LINGO2: variants seen among roughly 807,000 people sequenced by gnomAD.
LINGO2 encodes the protein leucine rich repeat and Ig domain containing 2.
A neutral mutation model predicts 30.6 loss-of-function variants in LINGO2; 14 were observed. The ratio of observed to expected loss-of-function variants is 0.46; its 90% CI spans 0.30 to 0.72. The LOEUF is 0.72. Ranked by LOEUF, LINGO2 falls within the 30% of genes least tolerant of loss-of-function variation. LINGO2 has a pLI of 0.07. For missense variants in LINGO2, 729 were observed against 751.7 expected (o/e 0.97, Z 0.35); for synonymous variants, 317 against 288.5 (o/e 1.10, Z -1.00).
At chr9:28,321,893 A>C (rs763553134) in intron 3 of LINGO2, among the ~76,000 whole-genome samples, 16 of 152,028 alleles carry the variant, frequency 1.1e-4, no homozygotes, top group Non-Finnish European at 1.8e-4. Context: ...GCTAGATTCC[A>C]GTCACTGGAA....
intron 3 of LINGO2, among the ~76,000 whole-genome samples, chr9:28,355,331 CTG>C (rs774645228): frequency 5.5e-4 from 62 of 112,316 alleles, no homozygotes; most frequent in Admixed American, 2.0e-3. Flanking sequence ...CTCTCTGTCT[CTG>C]TCTCTCTCTC....
chr9:29,096,170 T>C, the LINGO2 span, among the ~76,000 whole-genome samples: 25 of 139,246 alleles, frequency 1.8e-4, 6 homozygotes, highest in Admixed American at 4.4e-4. Context: ...AGGAATGATT[T>C]GGAAGACAGG....
chr9:28,069,282 T>C lies in LINGO2; in HGVS notation c.-86-56877A>G, dbSNP rs1825403490. 3.9e-5 allele frequency among the ~76,000 whole-genome samples: 6 copies of C among 152,266 alleles called. No individual in the cohort carries two copies. In the South Asian group the frequency reaches 1.2e-3, roughly 32 times the overall value. On this transcript the variant is annotated intron_variant, in intron 4 of 5. Transcript: ENST00000379992. ...GTTTTGTTTTATTTATCTCTTTTAA[T>C]AAGGGCCTAGAATAGATACTGGCAT...
the LINGO2 span, among the ~76,000 whole-genome samples, chr9:28,909,583 A>C: frequency 1.3e-5 from 2 of 152,008 alleles, no homozygotes; most frequent in African/African-American, 4.8e-5. Context: ...ATTAGGGATA[A>C]CTGTAAACGT....
At chr9:28,699,323 G>T in the LINGO2 span, among the ~76,000 whole-genome samples, 1 of 151,996 alleles carries the variant, frequency 6.6e-6, no homozygotes, top group Non-Finnish European at 1.5e-5. Flanking sequence ...ACTGGCTGGA[G>T]CTGCGGCAGA....
intron 1 of LINGO2, chr9:28,598,961 T>C (rs959822238): frequency 1.7e-4 from 26 of 152,298 alleles, no homozygotes; most frequent in Non-Finnish European, 3.5e-4. Flanking sequence ...ATGGATAGCA[T>C]GTCAAAAAGT....
At chr9:28,309,522 T>A (rs4554565) in intron 3 of LINGO2, among the ~76,000 whole-genome samples, 15,512 of 151,714 alleles carry the variant, frequency 0.1, 1,033 homozygotes, top group Middle Eastern at 0.26. Flanking sequence ...GCATGGCACA[T>A]GTATACATAT....
the LINGO2 span, among the ~76,000 whole-genome samples, chr9:29,058,879 T>A: frequency 6.6e-6 from 1 of 151,816 alleles, no homozygotes; most frequent in Non-Finnish European, 1.5e-5. Flanking sequence ...CCTGAAAAAA[T>A]TGACAAATTA....
At chr9:28,897,337 A>T in the LINGO2 span, among the ~76,000 whole-genome samples, 9 of 152,178 alleles carry the variant, frequency 5.9e-5, no homozygotes, top group Non-Finnish European at 1.2e-4. Context: ...AAGTTTATAC[A>T]TCACATCATG....
intron 2 of LINGO2, among the ~76,000 whole-genome samples, chr9:28,424,373 G>C (rs1823320856): frequency 6.6e-6 from 1 of 152,112 alleles, no homozygotes; most frequent in African/African-American, 2.4e-5. Context: ...CTGGAGAATA[G>C]ACAAAATGTG....
rs145816256 is a variant in LINGO2, at chr9:28,189,701, G to GAGGA, written c.-87+105503_-87+105506dup. On this transcript the variant is annotated intron_variant, in intron 4 of 5. Transcript: ENST00000379992. ...GAAGGAAGGGAGGAAGGAAGGGAGG[G>GAGGA]AGGAAGGAAGGAAGGAAGGAAGGTT... Among the ~76,000 whole-genome samples, 14 of 16,620 alleles carry GAGGA rather than the reference G, an allele frequency of 8.4e-4. 3 individuals are homozygous for GAGGA. The highest frequency in any genetic ancestry group is 1.9e-3 in the African/African-American group (11 of 5,706). The allele number at this position is 16,620 out of a possible 152,430, so 10.9% of individuals were successfully genotyped here.
At chr9:28,086,060 C>A (rs1405668150) in intron 4 of LINGO2, among the ~76,000 whole-genome samples, 1 of 152,008 alleles carries the variant, frequency 6.6e-6, no homozygotes, top group Non-Finnish European at 1.5e-5. Context: ...GTACATAGGA[C>A]AGCCCTGGAA....
At chr9:29,155,550 GT>G in the LINGO2 span, among the ~76,000 whole-genome samples, 1 of 138,800 alleles carries the variant, frequency 7.2e-6, no homozygotes, top group African/African-American at 2.7e-5. Flanking sequence ...AACTGTGAGG[GT>G]TTTCCTTTTT....
At chr9:28,722,144 A>G in the LINGO2 span, among the ~76,000 whole-genome samples, 3 of 152,134 alleles carry the variant, frequency 2.0e-5, no homozygotes, top group African/African-American at 7.2e-5. Context: ...TATTTCAAGA[A>G]ATGACATAAA....
At chr9:28,031,967 T>C (rs1823697784) in intron 4 of LINGO2, among the ~76,000 whole-genome samples, 1 of 151,482 alleles carries the variant, frequency 6.6e-6, no homozygotes, top group African/African-American at 2.4e-5. Flanking sequence ...CTATTAAAAG[T>C]TGTTTGGAGA....
At chr9:28,035,671 C>T (rs1238823633) in intron 4 of LINGO2, among the ~76,000 whole-genome samples, 1 of 152,096 alleles carries the variant, frequency 6.6e-6, no homozygotes, top group African/African-American at 2.4e-5. Flanking sequence ...TTTTAAAATT[C>T]TATGAATGTC....
intron 2 of LINGO2, among the ~76,000 whole-genome samples, chr9:28,463,888 T>C (rs1043570059): frequency 3.9e-5 from 6 of 152,144 alleles, no homozygotes; most frequent in Non-Finnish European, 7.4e-5. Flanking sequence ...CACTCCTCCC[T>C]GTCACAATAA....
At chr9:28,324,304 C>T (rs1305670025) in intron 3 of LINGO2, among the ~76,000 whole-genome samples, 2 of 152,162 alleles carry the variant, frequency 1.3e-5, no homozygotes, top group South Asian at 2.1e-4. Flanking sequence ...CCTGCATCTA[C>T]CTCTGGTTTC....
At chr9:28,276,541 A>C (rs184663831) in intron 4 of LINGO2, among the ~76,000 whole-genome samples, 48 of 152,286 alleles carry the variant, frequency 3.2e-4, no homozygotes, top group Non-Finnish European at 5.9e-5. Flanking sequence ...GCATGGACTA[A>C]AAAATATGTC....
Sources: allele counts gnomAD v4.1 joint callset (sites outside exome capture counted in the v4.1 genomes callset), GRCh38; gene constraint gnomAD v4.1.1; transcripts MANE v1.5; gene names NCBI Gene and HGNC (gene_info 2026-07-23, HGNC 2026-07-21).